GABRB2: variants seen among roughly 807,000 people sequenced by gnomAD.
GABRB2 encodes the protein gamma-aminobutyric acid type A receptor subunit beta2, also known as gamma-aminobutyric acid receptor subunit beta-2.
A neutral mutation model predicts 54.7 loss-of-function variants in GABRB2; 16 were observed. That is an observed-to-expected ratio of 0.29 (90% confidence interval 0.20 to 0.44). The LOEUF is 0.44. GABRB2 is among the 20% of genes least tolerant of loss of function. The pLI, the probability that GABRB2 is intolerant of heterozygous loss-of-function variation, is 1.00. For missense variants in GABRB2, 355 were observed against 644.0 expected, an observed-to-expected ratio of 0.55 and a Z score of 4.86; for synonymous variants, 244 against 233.8, an observed-to-expected ratio of 1.04 and a Z score of -0.40.
At chr5:161,435,751 A>T (rs1013252041) in intron 4 of GABRB2, among the ~76,000 whole-genome samples, 2 of 152,200 alleles carry the variant, frequency 1.3e-5, no homozygotes, top group Non-Finnish European at 1.5e-5. Flanking sequence ...AATGTCAACA[A>T]TTTATGTTGC....
In GABRB2 at chr5:161,383,927, G is replaced by A. The variant is rs148503124; in HGVS notation, c.541+27048C>T. 4.4e-4 allele frequency among the ~76,000 whole-genome samples: 67 copies of A among 152,228 alleles called. No individual in the cohort carries two copies. In the East Asian group the frequency reaches 9.7e-3, roughly 22 times the overall value. ...TGTGTGTGTATATACACATATATAC[G>A]CGCAAGCTGGAGTGCAGTGGTGCGA... On this transcript the variant is annotated intron_variant, in intron 5 of 9. Transcript: ENST00000393959.
At chr5:161,511,460 G>T (rs993690455) in intron 3 of GABRB2, among the ~76,000 whole-genome samples, 8 of 151,932 alleles carry the variant, frequency 5.3e-5, no homozygotes, top group East Asian at 1.9e-4. Context: ...AACAAGGCTT[G>T]TTCATCACTC....
At chr5:161,539,648 A>T (rs554534514) in intron 3 of GABRB2, among the ~76,000 whole-genome samples, 11 of 152,312 alleles carry the variant, frequency 7.2e-5, no homozygotes, top group African/African-American at 2.4e-4. Context: ...TGGAGTGGAC[A>T]TTGGGTCTCT....
intron 3 of GABRB2, among the ~76,000 whole-genome samples, chr5:161,468,770 T>C (rs895337807): frequency 4.0e-5 from 6 of 151,736 alleles, no homozygotes; most frequent in African/African-American, 1.5e-4. Flanking sequence ...TTAAAAGATA[T>C]GAAAGCATGA....
At chr5:161,537,467 C>T (rs888442680) in intron 3 of GABRB2, among the ~76,000 whole-genome samples, 1 of 152,148 alleles carries the variant, frequency 6.6e-6, no homozygotes, top group South Asian at 2.1e-4. Context: ...ATCCCCTTGA[C>T]CTCCACTCCC....
At chr5:161,336,262 G>A (rs1431057110) in intron 6 of GABRB2, among the ~76,000 whole-genome samples, 1 of 152,064 alleles carries the variant, frequency 6.6e-6, no homozygotes, top group South Asian at 2.1e-4. Context: ...ACTGCAACTC[G>A]GGTCTCCCAA....
chr5:161,480,776 A>T (rs1331601863), intron 3 of GABRB2, among the ~76,000 whole-genome samples: 1 of 152,062 alleles, frequency 6.6e-6, no homozygotes, highest in Admixed American at 6.6e-5. Flanking sequence ...AACCTGGCCA[A>T]GTTGGGGCCA....
At chr5:161,485,128 TC>T (rs1758880525) in intron 3 of GABRB2, among the ~76,000 whole-genome samples, 1 of 151,738 alleles carries the variant, frequency 6.6e-6, no homozygotes, top group Non-Finnish European at 1.5e-5. Flanking sequence ...TATACCACTT[TC>T]TATAGGAAGC....
intron 5 of GABRB2, among the ~76,000 whole-genome samples, chr5:161,342,507 A>C (rs1754203973): frequency 6.6e-6 from 1 of 152,104 alleles, no homozygotes; most frequent in South Asian, 2.1e-4. Flanking sequence ...GAGTCATAAA[A>C]CATTTAAAAC....
intron 3 of GABRB2, among the ~76,000 whole-genome samples, chr5:161,523,005 T>A (rs1483219143): frequency 2.6e-5 from 4 of 151,490 alleles, no homozygotes; most frequent in Non-Finnish European, 5.9e-5. Context: ...GTGCAGATAA[T>A]TTTAATAAGC....
chr5:161,505,842 C>T (rs1759589426), intron 3 of GABRB2, among the ~76,000 whole-genome samples: 1 of 152,130 alleles, frequency 6.6e-6, no homozygotes, highest in Admixed American at 6.5e-5. Context: ...TAATATCAGA[C>T]TTAATATTTG....
At chr5:161,460,652 A>G (rs563546976) in intron 3 of GABRB2, among the ~76,000 whole-genome samples, 2 of 152,136 alleles carry the variant, frequency 1.3e-5, no homozygotes, top group Admixed American at 6.6e-5. Flanking sequence ...TCATTCTTCC[A>G]TTCATTCATT....
chr5:161,491,559 T>C (rs531464251), intron 3 of GABRB2, among the ~76,000 whole-genome samples: 13 of 151,780 alleles, frequency 8.6e-5, no homozygotes, highest in African/African-American at 3.1e-4. Context: ...TTTGGAATCC[T>C]TTTTAAGGCC....
chr5:161,470,636 A>G (rs1758408896), intron 3 of GABRB2, among the ~76,000 whole-genome samples: 1 of 151,952 alleles, frequency 6.6e-6, no homozygotes, highest in South Asian at 2.1e-4. Context: ...TGCTGGACAA[A>G]GGGATGGTTC....
Position 161,291,300 on chromosome 5 carries a change from TCC to T in GABRB2, c.*2779_*2780del, listed in dbSNP as rs2113328229. On this transcript the variant is annotated 3_prime_UTR_variant, in exon 10 of 10. Transcript: ENST00000393959. ...ATACATATGTATAAACTGATAGTAATCCCATATCAGAACTACTAAACACACCT... is the reference window on the plus strand; with the variant it reads ...ATACATATGTATAAACTGATAGTAATCATATCAGAACTACTAAACACACCT... 6.6e-6 allele frequency: 1 copy of T among 152,314 alleles called. No homozygotes were observed. Among genetic ancestry groups the T allele is most frequent in the African/African-American group, 2.4e-5 (1 of 41,562 alleles). 9.4% of individuals were successfully genotyped at this position (152,314 alleles called of 1,614,324 possible). A position where few individuals can be genotyped will look rare whatever the true frequency, so the allele number is the denominator to read the frequency against.
chr5:161,503,465 T>C (rs571805724), intron 3 of GABRB2, among the ~76,000 whole-genome samples: 2 of 152,120 alleles, frequency 1.3e-5, no homozygotes, highest in South Asian at 2.1e-4. Flanking sequence ...GTAAAATGTA[T>C]TGGGAGGCTG....
rs1181165654 is a variant in GABRB2 at position 161,369,132 on chromosome 5, C to G, written c.542-32363G>C. On this transcript the variant is annotated intron_variant, in intron 5 of 9. Transcript: ENST00000393959. ...CTTCTTATCTTTGAATTCTTTAGAT[C>G]TTATTATTAGAACAACTTGCTTTAG... 5.9e-5 allele frequency among the ~76,000 whole-genome samples: 9 copies of G among 152,230 alleles called. No individual in the cohort carries two copies. The East Asian group carries it at 7.7e-4, about 13-fold the overall frequency.
intron 3 of GABRB2, among the ~76,000 whole-genome samples, chr5:161,462,112 C>A (rs1026212220): frequency 1.3e-5 from 2 of 152,022 alleles, no homozygotes; most frequent in African/African-American, 4.8e-5. Context: ...AGTGTAGGAC[C>A]CTCCAATTTT....
At chr5:161,366,732 G>A (rs1754984216) in intron 5 of GABRB2, among the ~76,000 whole-genome samples, 1 of 152,110 alleles carries the variant, frequency 6.6e-6, no homozygotes, top group Non-Finnish European at 1.5e-5. Context: ...GATCACCTGA[G>A]GTCAGGAGTT....
Sources: gnomAD v4.1 joint callset for allele counts (sites outside exome capture counted in the v4.1 genomes callset) on GRCh38, gnomAD v4.1.1 for gene constraint, MANE v1.5 for transcripts, NCBI Gene and HGNC (gene_info 2026-07-23, HGNC 2026-07-21) for gene names.